The following ZNF423 variants were observed in gnomAD, a reference collection of about 807,000 sequenced individuals.
The protein encoded by ZNF423 is zinc finger protein 423, also known as Ebf-associated zinc finger protein.
A neutral mutation model predicts 95.8 loss-of-function variants in ZNF423; 12 were observed. That is an observed-to-expected ratio of 0.13 (90% confidence interval 0.08 to 0.20). The LOEUF is 0.20. Among genes scored for constraint, ZNF423 ranks in the 10% least tolerant of loss-of-function variants. The probability of loss-of-function intolerance (pLI) is 1.00; values close to 1 mark genes in which losing one functional copy is unlikely to be tolerated. For synonymous variants in ZNF423, 749 were observed against 711.9 expected (o/e 1.05, Z -0.83); for missense variants, 1,316 against 1,737.1 (o/e 0.76, Z 4.31).
intron 2 of ZNF423, among the ~76,000 whole-genome samples, chr16:49,739,037 A>T (rs903350292): frequency 6.6e-6 from 1 of 152,004 alleles, no homozygotes; most frequent in Admixed American, 6.6e-5. Context: ...ACTGTCGGGG[A>T]TGACAGAGAA....
intron 2 of ZNF423, among the ~76,000 whole-genome samples, chr16:49,783,408 G>T (rs1380638689): frequency 7.6e-6 from 1 of 132,260 alleles, no homozygotes; most frequent in Non-Finnish European, 1.6e-5. Flanking sequence ...TAGGGTTAGG[G>T]TTAGAGTAGG....
intron 3 of ZNF423, among the ~76,000 whole-genome samples, chr16:49,721,445 CCA>C: frequency 6.6e-6 from 1 of 152,064 alleles, no homozygotes; most frequent in East Asian, 1.9e-4. Context: ...TGGACCCAGA[CCA>C]CACCGGGAAC....
intron 2 of ZNF423, among the ~76,000 whole-genome samples, chr16:49,735,497 CT>C (rs1217047055): frequency 1.3e-5 from 2 of 152,160 alleles, no homozygotes; most frequent in African/African-American, 4.8e-5. Context: ...GCAGGGAGAC[CT>C]TGACTCCCTC....
chr16:49,506,836 CATGG>C (rs1181579032), intron 7 of ZNF423, among the ~76,000 whole-genome samples: 1 of 143,822 alleles, frequency 7.0e-6, no homozygotes, highest in African/African-American at 2.6e-5. Context: ...AGGATGGATG[CATGG>C]ATGGATGGAT....
intron 2 of ZNF423, among the ~76,000 whole-genome samples, chr16:49,784,428 G>A (rs59456154): frequency 0.088 from 13,334 of 152,184 alleles, 710 homozygotes; most frequent in Middle Eastern, 0.14. Flanking sequence ...ACAATAGCCA[G>A]AGATGAAAAC....
intron 2 of ZNF423, among the ~76,000 whole-genome samples, chr16:49,778,393 G>A (rs1429096902): frequency 6.6e-6 from 1 of 152,216 alleles, no homozygotes; most frequent in Non-Finnish European, 1.5e-5. Flanking sequence ...GTGTGGTCAA[G>A]CTGATTTTGG....
At chr16:49,547,925 T>G (rs1208166037) in intron 5 of ZNF423, among the ~76,000 whole-genome samples, 2 of 152,208 alleles carry the variant, frequency 1.3e-5, no homozygotes, top group African/African-American at 4.8e-5. Context: ...CCACCAATTG[T>G]GCGTTTTCCA....
At chr16:49,517,253 G>A (rs766687909) in intron 7 of ZNF423, among the ~76,000 whole-genome samples, 19 of 152,070 alleles carry the variant, frequency 1.2e-4, no homozygotes, top group Non-Finnish European at 2.6e-4. Flanking sequence ...TCTAGCTTGC[G>A]CCAACTGCAG....
At chr16:49,820,141 G>A (rs909367520) in intron 1 of ZNF423, among the ~76,000 whole-genome samples, 20 of 152,190 alleles carry the variant, frequency 1.3e-4, no homozygotes, top group Non-Finnish European at 2.2e-4. Flanking sequence ...CGGACAGACA[G>A]ATGAATGGAA....
intron 5 of ZNF423, among the ~76,000 whole-genome samples, chr16:49,580,652 GTTC>G (rs1970641186): frequency 6.6e-6 from 1 of 152,136 alleles, no homozygotes; most frequent in African/African-American, 2.4e-5. Context: ...AATCTTCCTT[GTTC>G]CTTCTTAATT....
intron 1 of ZNF423, among the ~76,000 whole-genome samples, chr16:49,811,495 G>A (rs2034752117): frequency 6.6e-6 from 1 of 152,106 alleles, no homozygotes; most frequent in African/African-American, 2.4e-5. Flanking sequence ...TCTCCAGGGA[G>A]GCCAGAGATC....
At chr16:49,719,833 A>T (rs1421119729) in intron 3 of ZNF423, among the ~76,000 whole-genome samples, 1 of 152,200 alleles carries the variant, frequency 6.6e-6, no homozygotes, top group African/African-American at 2.4e-5. Context: ...GTAGTTCTTT[A>T]TAGCAGTGTG....
chr16:49,711,124 G>T (rs2032530196), intron 3 of ZNF423: 1 of 152,288 alleles, frequency 6.6e-6, no homozygotes, highest in Non-Finnish European at 1.5e-5. Context: ...GATGAGTAGA[G>T]CAGGTGGGAT....
chr16:49,753,866 A>C (rs2033675938), intron 2 of ZNF423, among the ~76,000 whole-genome samples: 1 of 152,142 alleles, frequency 6.6e-6, no homozygotes, highest in Non-Finnish European at 1.5e-5. Context: ...CCCCGTCTCT[A>C]CTAAAAGTAC....
At chr16:49,709,552 A>C (rs544867345) in intron 3 of ZNF423, among the ~76,000 whole-genome samples, 1 of 152,200 alleles carries the variant, frequency 6.6e-6, no homozygotes, top group Admixed American at 6.5e-5. Flanking sequence ...AGGGGCAGCA[A>C]CCGCCCTTCA....
intron 3 of ZNF423, among the ~76,000 whole-genome samples, chr16:49,673,476 G>A (rs938230797): frequency 1.3e-5 from 2 of 152,250 alleles, no homozygotes; most frequent in African/African-American, 4.8e-5. Context: ...GCGGGTGCTT[G>A]TTAAGGAGAA....
rs561590307 is a variant in ZNF423 at position 49,620,538 on chromosome 16, G to C, written c.3601+5632C>G. ...CTAATGCCCCACCGGGACAGGCCTG[G>C]CTCTGGCCTGGCTGCCCGCCAGAGA... On this transcript the variant is annotated intron_variant, in intron 5 of 7. Coordinates refer to ENST00000563137, the MANE Select transcript of ZNF423 (RefSeq NM_001379286.1). Among the ~76,000 whole-genome samples the C allele has an allele frequency of 2.0e-5, 3 of 152,288 alleles. No individual in the cohort carries two copies. The South Asian group carries it at 6.2e-4, about 32-fold the overall frequency.
intron 4 of ZNF423, among the ~76,000 whole-genome samples, chr16:49,632,188 G>A (rs961711091): frequency 1.3e-5 from 2 of 152,154 alleles, no homozygotes. Context: ...CATAAACAGA[G>A]GGGGAGGTGG....
intron 1 of ZNF423, among the ~76,000 whole-genome samples, chr16:49,810,593 C>T (rs1466483667): frequency 6.6e-6 from 1 of 152,186 alleles, no homozygotes; most frequent in Non-Finnish European, 1.5e-5. Context: ...CCCCTCACTC[C>T]CAGCTCAGGG....
Sources: allele counts gnomAD v4.1 joint callset (sites outside exome capture counted in the v4.1 genomes callset), GRCh38; gene constraint gnomAD v4.1.1; transcripts MANE v1.5; gene names NCBI Gene and HGNC (gene_info 2026-07-23, HGNC 2026-07-21).